The following PTK2B variants were observed in gnomAD, a reference collection of about 807,000 sequenced individuals.
PTK2B encodes the protein protein-tyrosine kinase 2-beta.
In PTK2B, 71 loss-of-function variants were observed where a neutral mutation model predicts 142.9. The ratio of observed to expected loss-of-function variants is 0.50; its 90% CI spans 0.41 to 0.61. PTK2B has a LOEUF of 0.61. Among genes scored for constraint, PTK2B ranks in the 20% least tolerant of loss-of-function variants. The pLI is 0.00. For missense variants in PTK2B, 1,105 were observed against 1,320.4 expected (o/e 0.84, Z 2.53); for synonymous variants, 519 against 503.4 (o/e 1.03, Z -0.42).
chr8:27,400,535 A>T (rs1243086407), intron 2 of PTK2B, among the ~76,000 whole-genome samples: 1 of 152,112 alleles, frequency 6.6e-6, no homozygotes, highest in Non-Finnish European at 1.5e-5. Context: ...GACCTGGACT[A>T]AGAGAATGGT....
At chr8:27,311,165 C>A (rs886527588), upstream of PTK2B, 6 of 1,607,076 alleles carry the variant, frequency 3.7e-6, no homozygotes, top group African/African-American at 8.0e-5. Flanking sequence ...GGGGTCGTAG[C>A]AGACGGCGCA....
intron 1 of PTK2B, among the ~76,000 whole-genome samples, chr8:27,326,239 TG>T (rs1803411696): frequency 2.0e-5 from 3 of 151,734 alleles, no homozygotes; most frequent in African/African-American, 7.3e-5. Flanking sequence ...TGTGTGTGTG[TG>T]TGTGTGTGTG....
In PTK2B at chr8:27,407,038, G is replaced by T. The variant is rs151144447; in HGVS notation, c.204+9250G>T. Among the ~76,000 whole-genome samples the T allele has an allele frequency of 9.0e-3, 1,372 of 152,270 alleles. 25 individuals carry two copies. Among genetic ancestry groups the T allele is most frequent in the African/African-American group, 0.032 (1,321 of 41,540 alleles). On this transcript the variant is annotated intron_variant, in intron 2 of 30. Coordinates refer to ENST00000346049, the MANE Select transcript of PTK2B (RefSeq NM_173176.3). ...CTCCTCAATCTCAGCGTGGCATCAA[G>T]AACGCTTCATACGGTTTATGGGTAA...
At chr8:27,335,269 C>T (rs1320575465) in intron 1 of PTK2B, among the ~76,000 whole-genome samples, 1 of 152,166 alleles carries the variant, frequency 6.6e-6, no homozygotes, top group Non-Finnish European at 1.5e-5. Flanking sequence ...TCTGAGCCCT[C>T]TCCCTGTCTT....
chr8:27,432,123 T>C (rs942244262), intron 9 of PTK2B, 137 bp from the exon 10 acceptor site: 4 of 719,204 alleles, frequency 5.6e-6, no homozygotes, highest in Non-Finnish European at 9.5e-6. Flanking sequence ...CTTCTAGCCT[T>C]AATAGTGTTT....
chr8:27,396,673 C>G (rs1328157753), intron 1 of PTK2B, among the ~76,000 whole-genome samples: 3 of 152,226 alleles, frequency 2.0e-5, no homozygotes, highest in Non-Finnish European at 4.4e-5. Context: ...GCATTCCCTG[C>G]TTTAGATCAG....
chr8:27,441,105 G>C (rs776506139), intron 21 of PTK2B, among the ~76,000 whole-genome samples: 77 of 152,204 alleles, frequency 5.1e-4, no homozygotes, highest in Middle Eastern at 3.4e-3. Context: ...GGGCCAAATA[G>C]TAAATATTTG....
At chr8:27,327,809 T>G (rs527362870) in intron 1 of PTK2B, among the ~76,000 whole-genome samples, 2 of 152,348 alleles carry the variant, frequency 1.3e-5, no homozygotes, top group South Asian at 4.1e-4. Context: ...AATCCTCTTT[T>G]CTGAAATGAG....
At chr8:27,379,886 T>A (rs775315787) in intron 1 of PTK2B, among the ~76,000 whole-genome samples, 3 of 152,084 alleles carry the variant, frequency 2.0e-5, no homozygotes, top group African/African-American at 4.8e-5. Flanking sequence ...GATTATAGGC[T>A]CCCGTCACCA....
At chr8:27,389,964 G>A (rs1807609813) in intron 1 of PTK2B, among the ~76,000 whole-genome samples, 1 of 152,178 alleles carries the variant, frequency 6.6e-6, no homozygotes, top group African/African-American at 2.4e-5. Flanking sequence ...CACTCAGCAG[G>A]CCTTTGGGAT....
At chr8:27,323,381 G>A (rs974410772), upstream of PTK2B, 10 of 152,302 alleles carry the variant, frequency 6.6e-5, no homozygotes, top group Non-Finnish European at 1.2e-4. Context: ...AAGGACATTT[G>A]TTCAAAGGCC....
At chr8:27,396,947 G>A (rs547040396) in intron 1 of PTK2B, among the ~76,000 whole-genome samples, 17 of 152,312 alleles carry the variant, frequency 1.1e-4, no homozygotes, top group African/African-American at 3.6e-4. Flanking sequence ...TCTATGTGAT[G>A]AGCTCCTGTC....
At chr8:27,444,180 C>T in intron 22 of PTK2B, 26 bp from the exon 23 acceptor site, 1 of 1,596,756 alleles carries the variant, frequency 6.3e-7, no homozygotes, top group African/African-American at 1.3e-5. Context: ...GGGACAGAGA[C>T]TGACCCATCT....
At chr8:27,344,015 AAAT>A (rs1307299464) in intron 1 of PTK2B, among the ~76,000 whole-genome samples, 7 of 152,116 alleles carry the variant, frequency 4.6e-5, no homozygotes, top group Non-Finnish European at 1.0e-4. Context: ...AAAAATAAAT[AAAT>A]AAAAAATAAA....
chr8:27,324,669 G>A (rs1803313241), upstream of PTK2B, among the ~76,000 whole-genome samples: 1 of 152,208 alleles, frequency 6.6e-6, no homozygotes, highest in African/African-American at 2.4e-5. Context: ...GCAGCTCTGG[G>A]AATCAGATTC....
At chr8:27,392,442 A>G (rs1485888354) in intron 1 of PTK2B, among the ~76,000 whole-genome samples, 1 of 152,018 alleles carries the variant, frequency 6.6e-6, no homozygotes, top group African/African-American at 2.4e-5. Context: ...CTGGTGTCCC[A>G]CTTTATTGCT....
intron 2 of PTK2B, among the ~76,000 whole-genome samples, chr8:27,409,157 A>C: frequency 6.6e-6 from 1 of 152,160 alleles, no homozygotes; most frequent in East Asian, 1.9e-4. Context: ...TTAGTCTGTA[A>C]ACACTCTATA....
At chr8:27,441,329 C>T (rs1035858520) in intron 21 of PTK2B, among the ~76,000 whole-genome samples, 5 of 152,066 alleles carry the variant, frequency 3.3e-5, no homozygotes, top group Admixed American at 3.3e-4. Flanking sequence ...GAAAACCATT[C>T]TTCATTTGGG....
chr8:27,367,603 A>G (rs1806098058), intron 1 of PTK2B, among the ~76,000 whole-genome samples: 2 of 152,234 alleles, frequency 1.3e-5, no homozygotes, highest in South Asian at 4.1e-4. Context: ...TTGTAGCAGA[A>G]TATCAGAGGC....
Sources: gnomAD v4.1 joint callset for allele counts (sites outside exome capture counted in the v4.1 genomes callset) on GRCh38, gnomAD v4.1.1 for gene constraint, MANE v1.5 for transcripts, NCBI Gene and HGNC (gene_info 2026-07-23, HGNC 2026-07-21) for gene names.